Variants in MAGI1 observed in about 807,000 individuals in gnomAD.
MAGI1 encodes the protein membrane-associated guanylate kinase, WW and PDZ domain-containing protein 1.
A neutral mutation model predicts 139.9 loss-of-function variants in MAGI1; 58 were observed. The ratio of observed to expected loss-of-function variants is 0.41; its 90% CI spans 0.34 to 0.52. MAGI1 has a LOEUF of 0.52. MAGI1 is among the 20% of genes least tolerant of loss of function. MAGI1 has a pLI of 0.12. For missense variants in MAGI1, 1,874 were observed against 1,901.6 expected (o/e 0.99, Z 0.27); for synonymous variants, 812 against 737.9 (o/e 1.10, Z -1.63).
chr3:66,009,339 G>A (rs546580732), intron 1 of MAGI1: 4 of 151,978 alleles, frequency 2.6e-5, no homozygotes, highest in South Asian at 2.1e-4. Context: ...GAGAAACCCC[G>A]TCTCCACTAA....
intron 4 of MAGI1, 72 bp downstream of exon 4, chr3:65,478,520 A>G (rs1003972357): frequency 6.2e-6 from 9 of 1,461,046 alleles, no homozygotes; most frequent in Middle Eastern, 2.3e-4. Context: ...CATCCTTTTC[A>G]AAACTCTATG....
chr3:65,414,846 C>T (rs543014976), intron 12 of MAGI1, among the ~76,000 whole-genome samples: 239 of 146,632 alleles, frequency 1.6e-3, no homozygotes, highest in African/African-American at 3.9e-3. Flanking sequence ...GGAGAAACCC[C>T]GTCTCTACTA....
intron 1 of MAGI1, among the ~76,000 whole-genome samples, chr3:65,948,933 A>T (rs1406771744): frequency 6.6e-6 from 1 of 152,208 alleles, no homozygotes; most frequent in Non-Finnish European, 1.5e-5. Context: ...AATTCTCCAC[A>T]GTCTCTTCCA....
intron 1 of MAGI1, among the ~76,000 whole-genome samples, chr3:65,899,552 T>C (rs1368337952): frequency 6.6e-6 from 1 of 152,172 alleles, no homozygotes; most frequent in African/African-American, 2.4e-5. Context: ...ACCATCCTTT[T>C]GTGACATAAC....
chr3:65,628,487 T>A lies in MAGI1; in HGVS notation c.314-6399A>T, dbSNP rs562351592. Among the ~76,000 whole-genome samples, 22 of 152,202 alleles carry A rather than the reference T, an allele frequency of 1.4e-4. No homozygotes were observed. In the East Asian group the frequency reaches 4.0e-3, roughly 28 times the overall value. ...ACACACATTCCCCAAAGAACCCATA[T>A]GAAAAGCTGCCCACCGGAGAAGCTC... On this transcript the variant is annotated intron_variant, in intron 1 of 22. Transcript: ENST00000402939.
intron 1 of MAGI1, among the ~76,000 whole-genome samples, chr3:65,935,870 C>G (rs1372643906): frequency 6.6e-6 from 1 of 152,176 alleles, no homozygotes; most frequent in East Asian, 1.9e-4. Flanking sequence ...CCTCAGAGGA[C>G]AGCCAGTACC....
intron 1 of MAGI1, chr3:65,687,949 C>G (rs1029672427): frequency 2.8e-6 from 2 of 720,626 alleles, no homozygotes; most frequent in South Asian, 2.7e-5. Context: ...GAAAATGGCT[C>G]TCAGTTCACA....
intron 2 of MAGI1, among the ~76,000 whole-genome samples, chr3:65,610,876 T>C (rs1409972369): frequency 1.4e-5 from 2 of 139,894 alleles, no homozygotes; most frequent in South Asian, 2.2e-4. Flanking sequence ...ATATAGTAGA[T>C]AGTAATATAG....
At position 65,357,076 on chromosome 3, in the gene MAGI1, T is replaced by C. The variant is rs1575588461; in HGVS notation, c.3691A>G (p.Arg1231Gly). The C allele has an allele frequency of 6.2e-7, 1 of 1,614,112 alleles. No individual in the cohort carries two copies. Among genetic ancestry groups the C allele is most frequent in the Non-Finnish European group, 8.5e-7 (1 of 1,180,002 alleles). Residue 1231 changes from arginine (R) to glycine (G), a missense_variant, in exon 23 of 23, where the codon AGG becomes GGG. Physicochemically the swap from Arg to Gly is moderately radical, Grantham distance 125. Transcript: ENST00000402939. ...TGCTGCCGGCGGTCGGGCCCGGCCC[T>C]CACTTCCGGAACACCTTGTGGACCG... ...ATGPQGVPEV[R>G]AGPDRRQHPS...
At chr3:65,957,413 C>T (rs570256638) in intron 1 of MAGI1, among the ~76,000 whole-genome samples, 3 of 150,470 alleles carry the variant, frequency 2.0e-5, no homozygotes, top group Non-Finnish European at 4.4e-5. Context: ...CCCAGCTACC[C>T]GCGGCGCTGA....
At chr3:65,662,283 G>A (rs879084273) in intron 1 of MAGI1, among the ~76,000 whole-genome samples, 1 of 152,176 alleles carries the variant, frequency 6.6e-6, no homozygotes, top group Non-Finnish European at 1.5e-5. Flanking sequence ...ACATTCAAAT[G>A]AGCAGCCTGG....
At chr3:65,688,134 C>A in intron 1 of MAGI1, 1 of 762,326 alleles carries the variant, frequency 1.3e-6, no homozygotes, top group Non-Finnish European at 2.3e-6. Context: ...AGGTGCAGGA[C>A]TGTTCCTGCC....
chr3:65,564,324 G>A (rs2080512040), intron 2 of MAGI1, among the ~76,000 whole-genome samples: 1 of 150,916 alleles, frequency 6.6e-6, no homozygotes, highest in Non-Finnish European at 1.5e-5. Flanking sequence ...ATTACAATGT[G>A]CTGCATGAAT....
At chr3:65,671,803 T>C (rs370444021) in intron 1 of MAGI1, among the ~76,000 whole-genome samples, 13 of 152,268 alleles carry the variant, frequency 8.5e-5, no homozygotes, top group African/African-American at 2.6e-4. Flanking sequence ...TACCCATCAC[T>C]TCCCTCCTTG....
intron 6 of MAGI1, among the ~76,000 whole-genome samples, chr3:65,449,063 T>A (rs1018109980): frequency 7.0e-6 from 1 of 142,144 alleles, no homozygotes; most frequent in African/African-American, 2.6e-5. Flanking sequence ...AACCAATCAA[T>A]CAATGATTGA....
At chr3:65,627,728 G>C (rs575435446) in intron 1 of MAGI1, among the ~76,000 whole-genome samples, 5 of 151,546 alleles carry the variant, frequency 3.3e-5, no homozygotes, top group South Asian at 2.1e-4. Flanking sequence ...GGTTGGTCTC[G>C]ATCTCCTGAC....
intron 1 of MAGI1, among the ~76,000 whole-genome samples, chr3:65,927,720 G>A (rs1415800434): frequency 6.6e-6 from 1 of 152,154 alleles, no homozygotes; most frequent in Non-Finnish European, 1.5e-5. Context: ...AGGGACTGTG[G>A]TTTGGGCTGA....
intron 5 of MAGI1, among the ~76,000 whole-genome samples, chr3:65,466,873 A>T (rs1367908453): frequency 2.6e-5 from 4 of 152,134 alleles, no homozygotes; most frequent in Admixed American, 2.6e-4. Flanking sequence ...TCAAGCTTCT[A>T]CCCTTGGGGC....
chr3:65,829,879 T>C (rs1390218561), intron 1 of MAGI1, among the ~76,000 whole-genome samples: 2 of 152,178 alleles, frequency 1.3e-5, no homozygotes, highest in Admixed American at 1.3e-4. Flanking sequence ...GGCAAAACTA[T>C]GGCATGGATC....
Sources: allele counts gnomAD v4.1 joint callset (sites outside exome capture counted in the v4.1 genomes callset), GRCh38; gene constraint gnomAD v4.1.1; transcripts MANE v1.5; gene names NCBI Gene and HGNC (gene_info 2026-07-23, HGNC 2026-07-21).